The following METTL2A variants were observed in gnomAD, a reference collection of about 807,000 sequenced individuals.
METTL2A encodes the protein tRNA N(3)-cytidine methyltransferase METTL2A.
In METTL2A, 45 loss-of-function variants were observed where a neutral mutation model predicts 49.4. That is an observed-to-expected ratio of 0.91 (90% CI 0.72 to 1.17). The LOEUF (loss-of-function observed/expected upper bound fraction) is 1.17, where lower values mean the gene tolerates loss of function less well. Ranked by LOEUF, METTL2A falls within the 50% of genes most tolerant of loss-of-function variation. METTL2A has a pLI of 0.00. For synonymous variants in METTL2A, 118 were observed against 167.5 expected, an observed-to-expected ratio of 0.70 and a Z score of 2.28; for missense variants, 361 against 462.2, an observed-to-expected ratio of 0.78 and a Z score of 2.01.
chr17:62,435,475 G>T (rs576255148), intron 5 of METTL2A, among the ~76,000 whole-genome samples, 183 bp downstream of exon 5: 6 of 152,194 alleles, frequency 3.9e-5, no homozygotes, highest in Non-Finnish European at 7.3e-5. Context: ...ACACTGTATA[G>T]ATGTCGTATC....
At position 62,447,699 on chromosome 17, in the gene METTL2A, A is replaced by G. The variant is rs1462735121; in HGVS notation, c.917-2A>G. 6.2e-6 allele frequency: 10 copies of G among 1,614,144 alleles called. No individual in the cohort carries two copies. Among genetic ancestry groups the G allele is most frequent in the Non-Finnish European group, 7.6e-6 (9 of 1,179,984 alleles). ...TCTGATTTTTAACACATCACTCTGC[A>G]GGTCAGTGTCTATCTGGAAATTTCT... is the stretch of plus-strand genomic sequence containing the variant. On this transcript the variant is annotated splice_acceptor_variant, in intron 7 of 8. Transcript: ENST00000311506. LOFTEE classifies it high-confidence loss of function.
chr17:62,444,378 C>T (rs1198312031), intron 6 of METTL2A, among the ~76,000 whole-genome samples: 3 of 152,230 alleles, frequency 2.0e-5, no homozygotes, highest in Admixed American at 1.3e-4. Context: ...CTCCCAGGTT[C>T]CAGAAATTCT....
intron 7 of METTL2A, among the ~76,000 whole-genome samples, chr17:62,447,369 G>A (rs1199921727): frequency 2.6e-5 from 4 of 152,136 alleles, no homozygotes; most frequent in Non-Finnish European, 5.9e-5. Flanking sequence ...GCAGTGATCC[G>A]AGGTCACGCC....
rs1247108717 is a variant in METTL2A, at chr17:62,452,617, T to C, written c.*3888T>C. On this transcript the variant is annotated 3_prime_UTR_variant, in exon 9 of 9. Transcript: ENST00000311506. Reference sequence around the variant, plus strand: ...TGGACCCATGGGTATTTGAGTTTCTTGTGGGGTTATTTGTTGTTGTTTTTG... The same window carrying C: ...TGGACCCATGGGTATTTGAGTTTCTCGTGGGGTTATTTGTTGTTGTTTTTG... Among the ~76,000 whole-genome samples, 1 of 152,084 alleles carries C rather than the reference T, an allele frequency of 6.6e-6. No homozygotes were observed. Among genetic ancestry groups the C allele is most frequent in the Non-Finnish European group, 1.5e-5 (1 of 68,026 alleles).
intron 4 of METTL2A, among the ~76,000 whole-genome samples, chr17:62,428,819 T>C (rs924169782): frequency 6.6e-6 from 1 of 152,230 alleles, no homozygotes; most frequent in Non-Finnish European, 1.5e-5. Flanking sequence ...GCTCTTGTTC[T>C]GTCATCCCGA....
At chr17:62,438,213 C>T (rs2070713893) in intron 5 of METTL2A, among the ~76,000 whole-genome samples, 1 of 152,016 alleles carries the variant, frequency 6.6e-6, no homozygotes, top group South Asian at 2.1e-4. Context: ...TCCAGATCAG[C>T]CTGGCCAATA....
At chr17:62,432,801 C>CA (rs530858790) in intron 4 of METTL2A, among the ~76,000 whole-genome samples, 22,102 of 137,760 alleles carry the variant, frequency 0.16, 3,215 homozygotes, top group East Asian at 0.45. Context: ...GACTCCGTCT[C>CA]AAAAAAAAAA....
rs765150615 is a variant in METTL2A, at chr17:62,448,642, G to A, written c.1050G>A (p.Leu350=). ...TTCAGAACCTGGTGGATCGCCGACT[G>A]CAGGTGAACCGAGGAAAGCAACTGA... ...EKVQNLVDRR[L]QVNRGKQLTM... The change falls in exon 9 of 9, where the codon CTG becomes CTA. Residue 350 remains leucine, a synonymous_variant. Transcript: ENST00000311506. 17 of 1,614,080 alleles carry A rather than the reference G, an allele frequency of 1.1e-5. No homozygotes were observed. The highest frequency in any genetic ancestry group is 1.4e-5 in the Non-Finnish European group (17 of 1,180,050).
intron 4 of METTL2A, among the ~76,000 whole-genome samples, chr17:62,431,227 C>T (rs1047403375): frequency 6.6e-6 from 1 of 152,090 alleles, no homozygotes; most frequent in Non-Finnish European, 1.5e-5. Context: ...TCTCGAACTC[C>T]TGACCTCAGG....
chr17:62,441,247 C>T (rs2070737072), intron 6 of METTL2A, among the ~76,000 whole-genome samples: 1 of 152,200 alleles, frequency 6.6e-6, no homozygotes, highest in East Asian at 1.9e-4. Flanking sequence ...TGTCCAACTT[C>T]TGTTCTGGCC....
At chr17:62,433,405 C>T (rs1227410587) in intron 4 of METTL2A, among the ~76,000 whole-genome samples, 2 of 150,912 alleles carry the variant, frequency 1.3e-5, no homozygotes, top group South Asian at 2.1e-4. Context: ...TGCACTCCAG[C>T]GTGGGTGACA....
chr17:62,426,496 G>A lies in METTL2A; in HGVS notation c.400G>A (p.Gly134Ser), dbSNP rs759712883. 6.2e-7 allele frequency: 1 copy of A among 1,613,724 alleles called. No individual in the cohort carries two copies. The highest frequency in any genetic ancestry group is 8.5e-7 in the Non-Finnish European group (1 of 1,179,932). The change falls in exon 3 of 9, where the codon GGT (glycine) becomes AGT (serine). Residue 134 changes from glycine (G) to serine (S), a missense_variant. Physicochemically the swap from Gly to Ser is moderately conservative, Grantham distance 56 (BLOSUM62 0). This residue lies in a region of METTL2A where 150 missense variants were observed against 170.1 expected (regional missense o/e 0.88). Transcript: ENST00000311506. ...ATGTAGAAACAATGAGGATGGACCT[G>A]GTTTAATAATGGAAGAACAGCACAA... is the stretch of plus-strand genomic sequence containing the variant. ...PECRNNEDGP[G>S]LIMEEQHKCS...
At chr17:62,424,170 C>T (rs764015494) in intron 1 of METTL2A, 49 bp from the exon 2 acceptor site, 40 of 1,613,402 alleles carry the variant, frequency 2.5e-5, no homozygotes, top group Non-Finnish European at 3.4e-5. Flanking sequence ...ACTCACCCTG[C>T]CCGCAGCCAG....
In METTL2A at chr17:62,450,236, G is replaced by A. The variant is rs1016684464; in HGVS notation, c.*1507G>A. On this transcript the variant is annotated 3_prime_UTR_variant, in exon 9 of 9. Transcript: ENST00000311506. ...TCACTTCTGAATGTGATCATTATCAGTGTTAGATGCCTTTTTTTTTTTTTT... is the reference window on the plus strand; with the variant it reads ...TCACTTCTGAATGTGATCATTATCAATGTTAGATGCCTTTTTTTTTTTTTT... 13 of 134,390 alleles carry A rather than the reference G, an allele frequency of 9.7e-5. No individual in the cohort carries two copies. Among genetic ancestry groups the A allele is most frequent in the African/African-American group, 3.9e-4 (13 of 33,668 alleles). The allele number at this position is 134,390 out of a possible 1,614,324, so 8.3% of individuals were successfully genotyped here. A position where few individuals can be genotyped will look rare whatever the true frequency, so the allele number is the denominator to read the frequency against.
At chr17:62,431,213 C>T (rs959189228) in intron 4 of METTL2A, among the ~76,000 whole-genome samples, 5 of 151,940 alleles carry the variant, frequency 3.3e-5, no homozygotes, top group Admixed American at 6.6e-5. Flanking sequence ...GTTGGCCAGG[C>T]GGGTCTCGAA....
At chr17:62,447,906 C>T in intron 8 of METTL2A, 140 bp downstream of exon 8, 1 of 1,531,380 alleles carries the variant, frequency 6.5e-7, no homozygotes, top group Non-Finnish European at 8.8e-7. Flanking sequence ...CTGCTCACAC[C>T]CTCTTCCACC....
Position 62,447,725 on chromosome 17 carries a change from A to G in METTL2A, c.941A>G (p.Tyr314Cys), listed in dbSNP as rs1205238110. Reference protein sequence around the residue: ...KKGQCLSGNFYVRGDGTRVYF... With the variant: ...KKGQCLSGNFCVRGDGTRVYF... ...GGTCAGTGTCTATCTGGAAATTTCT[A>G]CGTGAGAGGTGATGGAACCAGAGTT... Residue 314 changes from tyrosine (Y) to cysteine (C), a missense_variant, in exon 8 of 9, where the codon TAC (tyrosine) becomes TGC (cysteine). Physicochemically the swap from Tyr to Cys is radical, Grantham distance 194. Around this residue, in one of 3 missense-constraint regions of METTL2A, gnomAD observed 183 missense variants for 216.5 expected, o/e 0.85. Transcript: ENST00000311506. 2.5e-6 allele frequency: 4 copies of G among 1,614,194 alleles called. No individual in the cohort carries two copies. Among genetic ancestry groups the G allele is most frequent in the African/African-American group, 2.7e-5 (2 of 75,046 alleles).
rs1300471222 is a variant in METTL2A, at chr17:62,451,877, T to G, written c.*3148T>G. 1.0e-3 allele frequency among the ~76,000 whole-genome samples: 97 copies of G among 95,960 alleles called. No homozygotes were observed. Among genetic ancestry groups the G allele is most frequent in the East Asian group, 3.0e-3 (10 of 3,308 alleles). 63.0% of individuals were successfully genotyped at this position (95,960 alleles called of 152,430 possible). ...TGCACTCCAGCCTGGGCAACAAGAGTGAAACTCCGTCTCAAAAAAAAAAAA... is the reference window on the plus strand; with the variant it reads ...TGCACTCCAGCCTGGGCAACAAGAGGGAAACTCCGTCTCAAAAAAAAAAAA... On this transcript the variant is annotated 3_prime_UTR_variant, in exon 9 of 9. Coordinates refer to ENST00000311506, the MANE Select transcript of METTL2A (RefSeq NM_181725.4).
intron 4 of METTL2A, among the ~76,000 whole-genome samples, chr17:62,434,406 T>C (rs1334477926): frequency 6.6e-6 from 1 of 152,136 alleles, no homozygotes; most frequent in Non-Finnish European, 1.5e-5. Context: ...AGGTATTGCA[T>C]ACTCCCAAAA....
Sources: allele counts gnomAD v4.1 joint callset (sites outside exome capture counted in the v4.1 genomes callset), GRCh38; gene constraint gnomAD v4.1.1; regional missense constraint gnomAD v4.1.1; transcripts MANE v1.5; gene names NCBI Gene and HGNC (gene_info 2026-07-23, HGNC 2026-07-21).